Variants in CIMAP2 observed in about 807,000 individuals in gnomAD.
The protein encoded by CIMAP2 is ciliary microtubule associated protein 2.
chr1:54,811,765 G>GCGGGGGGGGGGGGGGGGCCCCCCC, the CIMAP2 span: 1 of 1,301,330 alleles, frequency 7.7e-7, no homozygotes, highest in Non-Finnish European at 1.1e-6. Flanking sequence ...GGTTCTGACA[G>GCGGGGGGGGGGGGGGGGCCCCCCC]CCTCCATGCC....
the CIMAP2 span, among the ~76,000 whole-genome samples, chr1:54,822,006 C>A: frequency 7.9e-6 from 1 of 126,332 alleles, no homozygotes; most frequent in African/African-American, 2.9e-5. Context: ...TCACGCCATT[C>A]TCCCGCCTCA....
the CIMAP2 span, among the ~76,000 whole-genome samples, chr1:54,823,514 G>C: frequency 1.3e-5 from 2 of 152,140 alleles, no homozygotes; most frequent in Non-Finnish European, 2.9e-5. Flanking sequence ...TTATCTTCTA[G>C]ACAGCAGCCA....
At chr1:54,808,990 G>GTTTAGCATCCCTCCTCCCC in the CIMAP2 span, among the ~76,000 whole-genome samples, 98 of 147,142 alleles carry the variant, frequency 6.7e-4, no homozygotes, top group Middle Eastern at 6.9e-3. Context: ...TCTTGTGTGT[G>GTTTAGCATCCCTCCTCCCC]ACTGGACAGC....
chr1:54,830,837 T>C, the CIMAP2 span, among the ~76,000 whole-genome samples: 2,520 of 152,330 alleles, frequency 0.017, 88 homozygotes, highest in African/African-American at 0.058. This position sits in a 1 kb window ranked among gnomAD's most constrained non-coding sequence, Gnocchi z 4.1. Context: ...TTAGCTTTCT[T>C]AGGTCTACCA....
the CIMAP2 span, among the ~76,000 whole-genome samples, chr1:54,813,639 CA>C: frequency 6.5e-4 from 96 of 148,698 alleles, 1 homozygote; most frequent in African/African-American, 2.3e-3. Context: ...TGTCTGTTTC[CA>C]CCAGCCCTTG....
the CIMAP2 span, among the ~76,000 whole-genome samples, chr1:54,833,982 C>A: frequency 1.6e-4 from 24 of 152,130 alleles, no homozygotes; most frequent in South Asian, 4.1e-4. Flanking sequence ...GGATCACAGG[C>A]GTGCATCACC....
the CIMAP2 span, among the ~76,000 whole-genome samples, chr1:54,819,190 G>A: frequency 6.6e-6 from 1 of 152,166 alleles, no homozygotes; most frequent in Non-Finnish European, 1.5e-5. Flanking sequence ...GGGTAAGTGT[G>A]GTTGTTGGCG....
the CIMAP2 span, among the ~76,000 whole-genome samples, chr1:54,839,362 A>T: frequency 0.75 from 113,320 of 150,986 alleles, 43,615 homozygotes; most frequent in Middle Eastern, 0.84. Context: ...GAATTTTTTT[A>T]AAGTTGAATT....
chr1:54,828,325 ATT>A, the CIMAP2 span, among the ~76,000 whole-genome samples: 1 of 147,860 alleles, frequency 6.8e-6, no homozygotes, highest in African/African-American at 2.5e-5. Context: ...AAAGGATTCC[ATT>A]TTTTTTTTTA....
chr1:54,807,107 C>T, the CIMAP2 span: 1 of 1,593,388 alleles, frequency 6.3e-7, no homozygotes, highest in Non-Finnish European at 8.6e-7. Context: ...GCTTCCCTGA[C>T]TCCTCCCACA....
the CIMAP2 span, among the ~76,000 whole-genome samples, chr1:54,815,513 G>A: frequency 6.6e-6 from 1 of 152,076 alleles, no homozygotes; most frequent in African/African-American, 2.4e-5. Context: ...TGCATTTCCC[G>A]TCCCTCACTG....
At chr1:54,829,737 T>C in the CIMAP2 span, among the ~76,000 whole-genome samples, 2 of 152,232 alleles carry the variant, frequency 1.3e-5, no homozygotes, top group Non-Finnish European at 2.9e-5. Context: ...GTTCCTTTGA[T>C]AACAATATGC....
At chr1:54,814,377 C>T in the CIMAP2 span, among the ~76,000 whole-genome samples, 2 of 152,284 alleles carry the variant, frequency 1.3e-5, no homozygotes, top group East Asian at 1.9e-4. Flanking sequence ...CCACTTGCTC[C>T]GCCCAAGGGA....
the CIMAP2 span, among the ~76,000 whole-genome samples, chr1:54,823,942 T>TTTTG: frequency 6.6e-6 from 1 of 152,090 alleles, no homozygotes; most frequent in Non-Finnish European, 1.5e-5. Flanking sequence ...TTGGCAGTTT[T>TTTTG]TTTGTTTGTT....
the CIMAP2 span, chr1:54,806,321 A>C: frequency 1.7e-6 from 2 of 1,207,698 alleles, no homozygotes; most frequent in South Asian, 1.5e-5. Context: ...GTCCACCTAC[A>C]CACAGGGCTG....
chr1:54,836,298 TGCCTGCCTGCCTGCCTGCCTGC>T, the CIMAP2 span, among the ~76,000 whole-genome samples: 1 of 176 alleles, frequency 5.7e-3, no homozygotes, highest in Admixed American at 0.056. Context: ...CCTGCCTGCC[TGCCTGCCTGCCTGCCTGCCTGC>T]CTGCCTGCCT....
the CIMAP2 span, chr1:54,807,964 CG>C: frequency 2.5e-6 from 4 of 1,606,824 alleles, no homozygotes; most frequent in Non-Finnish European, 2.5e-6. Flanking sequence ...ATGTAGCACC[CG>C]GGGGCTGCTC....
chr1:54,831,315 A>G, the CIMAP2 span, among the ~76,000 whole-genome samples: 2 of 152,334 alleles, frequency 1.3e-5, no homozygotes, highest in South Asian at 4.1e-4. Context: ...TTACTGAAGG[A>G]TATACTCCAG....
chr1:54,807,539 C>A, the CIMAP2 span: 2 of 1,576,828 alleles, frequency 1.3e-6, no homozygotes, highest in East Asian at 2.3e-5. Flanking sequence ...CACATAGGCC[C>A]TGGGACTTAC....
Sources: gnomAD v4.1 joint callset for allele counts (sites outside exome capture counted in the v4.1 genomes callset) on GRCh38, gnomAD v4.1.1 for gene constraint, Gnocchi (gnomAD v3.1) non-coding constraint, MANE v1.5 for transcripts, NCBI Gene and HGNC (gene_info 2026-07-23, HGNC 2026-07-21) for gene names.